Variants in DST observed in about 807,000 individuals in gnomAD.
DST encodes the protein dystonin.
DST carries 253 observed loss-of-function variants against 875.2 expected under a neutral mutation model. That is an observed-to-expected ratio of 0.29 (90% CI 0.26 to 0.32). The LOEUF is 0.32. DST is among the 10% of genes least tolerant of loss of function. The probability of loss-of-function intolerance (pLI) is 1.00; values close to 1 mark genes in which losing one functional copy is unlikely to be tolerated. For missense variants in DST, 8,287 were observed against 9,111.6 expected (o/e 0.91, Z 3.68); for synonymous variants, 3,124 against 3,197.1 (o/e 0.98, Z 0.77).
chr6:56,941,417 T>A (rs1462901569), intron 2 of DST, among the ~76,000 whole-genome samples: 3 of 152,220 alleles, frequency 2.0e-5, no homozygotes, highest in Non-Finnish European at 4.4e-5. Context: ...TTGTGACTTG[T>A]ATTCTGACCC....
chr6:56,546,347 CATATATATATATATATATATATATATAT>C lies in DST; in HGVS notation c.16608+5809_16608+5836del, dbSNP rs10617867. 4.0e-4 allele frequency among the ~76,000 whole-genome samples: 29 copies of C among 72,640 alleles called. No homozygotes were observed. The South Asian group carries it at 9.4e-3, about 24-fold the overall frequency. 47.7% of individuals were successfully genotyped at this position (72,640 alleles called of 152,430 possible). A position where few individuals can be genotyped will look rare whatever the true frequency, so the allele number is the denominator to read the frequency against. ...TATTAATTGAAATATATACATATTT[CATATATATATATATATATATATATATAT>C]ATATATATATATATAAATGTCAAAA... On this transcript the variant is annotated intron_variant, in intron 61 of 103. Coordinates refer to ENST00000680361, the MANE Select transcript of DST (RefSeq NM_001374736.1).
chr6:56,863,018 A>T (rs1475798079), intron 3 of DST: 1 of 152,242 alleles, frequency 6.6e-6, no homozygotes, highest in African/African-American at 2.4e-5. Flanking sequence ...TTTAAGATAC[A>T]AGGCTGGCTA....
intron 4 of DST, among the ~76,000 whole-genome samples, chr6:56,825,502 T>TAAAA (rs749148452): frequency 6.4e-5 from 7 of 109,306 alleles, no homozygotes; most frequent in Admixed American, 9.9e-5. Flanking sequence ...CAATAAATAC[T>TAAAA]AAAAAAAAAA....
At chr6:56,490,126 A>C (rs1256000125) in intron 85 of DST, among the ~76,000 whole-genome samples, 1 of 152,146 alleles carries the variant, frequency 6.6e-6, no homozygotes, top group Non-Finnish European at 1.5e-5. Flanking sequence ...TTGCATTCCT[A>C]TTTAATGCAA....
intron 69 of DST, among the ~76,000 whole-genome samples, chr6:56,518,814 C>A (rs2096643123): frequency 1.3e-5 from 2 of 152,102 alleles, no homozygotes; most frequent in South Asian, 2.1e-4. Flanking sequence ...TCCAGTACTG[C>A]CAGATCTTCT....
rs145723100 is a variant in DST at position 56,634,858 on chromosome 6, G to A, written c.3282C>T (p.Asp1094=). Residue 1094 remains aspartate, a synonymous_variant, in exon 25 of 104, where the codon GAC becomes GAT. Coordinates refer to ENST00000680361, the MANE Select transcript of DST (RefSeq NM_001374736.1). ...TIIQLKPRNS[D]CPLKTSIPIK... ...TCGGAATAGAAGTTTTGAGTGGACA[G>A]TCAGAATTCCTTGGCTTCAGTTGAA... 506 of 1,613,858 alleles carry A rather than the reference G, an allele frequency of 3.1e-4. No homozygotes were observed. Among genetic ancestry groups the A allele is most frequent in the Non-Finnish European group, 2.9e-4 (348 of 1,179,964 alleles).
chr6:56,708,493 C>T (rs1261150099), intron 5 of DST, among the ~76,000 whole-genome samples: 1 of 151,480 alleles, frequency 6.6e-6, no homozygotes, highest in Non-Finnish European at 1.5e-5. Flanking sequence ...TCTCAGCTGA[C>T]TATTCTGAGG....
Position 56,462,973 on chromosome 6 carries a change from T to C in DST, c.23070+73A>G, listed in dbSNP as rs1457249088. The C allele has an allele frequency of 4.9e-6, 4 of 813,904 alleles. No individual in the cohort carries two copies. The African/African-American group carries it at 5.1e-5, about 10-fold the overall frequency. The allele number at this position is 813,904 out of a possible 1,614,324, so 50.4% of individuals were successfully genotyped here. On this transcript the variant is annotated intron_variant, in intron 102 of 103. Coordinates refer to ENST00000680361, the MANE Select transcript of DST (RefSeq NM_001374736.1). ...CAAAGTACATATATTTAGGGAGTGG[T>C]GCAACGATGTTAGTGAGTGATAGCT...
rs1464945011 is a variant in DST at position 56,597,924 on chromosome 6, G to T, written c.12011C>A (p.Ser4004Ter). The change falls in exon 47 of 104, where the codon TCA becomes TAA. Residue 4004 changes from serine (S) to a stop codon, truncating the protein, a stop_gained. Transcript: ENST00000680361. LOFTEE classifies it high-confidence loss of function. ...LDWLSNVDKD[S>*]ERAGTKHKQV... is the part of the protein sequence containing the mutation. ...TTTGTGTTTTGTCCCTGCCCTTTCTGAGTCTTTGTCAACATTTGACAACCA... is the reference window on the plus strand; with the variant it reads ...TTTGTGTTTTGTCCCTGCCCTTTCTTAGTCTTTGTCAACATTTGACAACCA... The T allele has an allele frequency of 6.2e-7, 1 of 1,613,492 alleles. No individual in the cohort carries two copies. The highest frequency in any genetic ancestry group is 1.7e-5 in the Admixed American group (1 of 59,990).
intron 9 of DST, among the ~76,000 whole-genome samples, chr6:56,691,782 C>T (rs1036941361): frequency 2.6e-5 from 4 of 152,066 alleles, no homozygotes; most frequent in African/African-American, 9.7e-5. Context: ...TGGCATGCTA[C>T]CCTAACAATT....
At chr6:56,514,836 A>T (rs2096559366) in intron 72 of DST, among the ~76,000 whole-genome samples, 1 of 152,198 alleles carries the variant, frequency 6.6e-6, no homozygotes, top group Non-Finnish European at 1.5e-5. Flanking sequence ...CATTTCATAC[A>T]TGTTTAAAAT....
chr6:56,825,196 T>A (rs2153053370), intron 4 of DST, among the ~76,000 whole-genome samples: 1 of 149,834 alleles, frequency 6.7e-6, no homozygotes, highest in Middle Eastern at 3.4e-3. Context: ...TCTGTGACCT[T>A]ACCCCCAACC....
Position 56,557,873 on chromosome 6 carries a change from T to C in DST, c.14441-355A>G, listed in dbSNP as rs371099217. Among the ~76,000 whole-genome samples, 11 of 152,266 alleles carry C rather than the reference T, an allele frequency of 7.2e-5. No homozygotes were observed. In the East Asian group the frequency reaches 1.7e-3, roughly 24 times the overall value. On this transcript the variant is annotated intron_variant, in intron 58 of 103. Coordinates refer to ENST00000680361, the MANE Select transcript of DST (RefSeq NM_001374736.1). ...ACAATGAACAATAATCCTTTTAATA[T>C]CAAATCTTCACTTATCCGTTCTAGG...
intron 4 of DST, among the ~76,000 whole-genome samples, chr6:56,822,784 A>T (rs988051097): frequency 2.6e-5 from 4 of 151,452 alleles, no homozygotes; most frequent in Admixed American, 1.3e-4. Flanking sequence ...AGCCACTTTA[A>T]AAAAAAAGCT....
At chr6:56,540,829 G>A (rs1405015346) in intron 61 of DST, 1 of 152,516 alleles carries the variant, frequency 6.6e-6, no homozygotes, top group African/African-American at 2.4e-5. Flanking sequence ...TTTCATCAGG[G>A]TGGGCACTTT....
intron 4 of DST, among the ~76,000 whole-genome samples, chr6:56,764,053 G>A (rs1269638125): frequency 6.7e-6 from 1 of 149,220 alleles, no homozygotes; most frequent in Admixed American, 6.7e-5. Context: ...ACCTGTTCCT[G>A]AGCACCCTTC....
At chr6:56,948,008 C>T (rs1423906354) in intron 2 of DST, among the ~76,000 whole-genome samples, 1 of 151,814 alleles carries the variant, frequency 6.6e-6, no homozygotes, top group South Asian at 2.1e-4. Flanking sequence ...CAACACATTG[C>T]CATCAATCAG....
intron 4 of DST, among the ~76,000 whole-genome samples, chr6:56,769,438 C>A (rs1470782485): frequency 1.3e-5 from 2 of 152,140 alleles, no homozygotes; most frequent in African/African-American, 4.8e-5. Flanking sequence ...AAGGCATTAA[C>A]CCAAATGATG....
At chr6:56,477,532 GAAAAC>G (rs1328879265) in intron 90 of DST, 44 bp from the exon 91 acceptor site, 2 of 1,609,888 alleles carry the variant, frequency 1.2e-6, no homozygotes, top group Non-Finnish European at 1.7e-6. Flanking sequence ...GGCATTGGCT[GAAAAC>G]AAAACTCTGG....
Sources: gnomAD v4.1 joint callset for allele counts (sites outside exome capture counted in the v4.1 genomes callset) on GRCh38, gnomAD v4.1.1 for gene constraint, MANE v1.5 for transcripts, NCBI Gene and HGNC (gene_info 2026-07-23, HGNC 2026-07-21) for gene names.